The following TBC1D8 variants were observed in gnomAD, a reference collection of about 807,000 sequenced individuals.
TBC1D8 encodes TBC1 domain family member 8.
TBC1D8 carries 65 observed loss-of-function variants against 118.8 expected under a neutral mutation model. The ratio of observed to expected loss-of-function variants is 0.55; its 90% CI spans 0.45 to 0.67. The LOEUF is 0.67. TBC1D8 is among the 30% of genes least tolerant of loss of function. The pLI is 0.00. For missense variants in TBC1D8, 1,376 were observed against 1,471.2 expected (o/e 0.94, Z 1.06); for synonymous variants, 566 against 595.8 (o/e 0.95, Z 0.73).
At chr2:101,029,326 T>C (rs916922810) in intron 12 of TBC1D8, among the ~76,000 whole-genome samples, 165 bp downstream of exon 12, 1 of 151,010 alleles carries the variant, frequency 6.6e-6, no homozygotes, top group East Asian at 1.9e-4. Flanking sequence ...GAGGCGGAGG[T>C]TGTAGTGAGC....
At chr2:101,051,552 G>A (rs1573940568) in intron 4 of TBC1D8, among the ~76,000 whole-genome samples, 1 of 151,948 alleles carries the variant, frequency 6.6e-6, no homozygotes, top group African/African-American at 2.4e-5. Flanking sequence ...TTGCAAACTA[G>A]ATATCTCACA....
At chr2:101,060,673 G>A (rs968100475) in intron 2 of TBC1D8, among the ~76,000 whole-genome samples, 2 of 152,116 alleles carry the variant, frequency 1.3e-5, no homozygotes, top group African/African-American at 4.8e-5. Context: ...CTCATGAAGG[G>A]CCTGGCACAC....
intron 4 of TBC1D8, among the ~76,000 whole-genome samples, chr2:101,051,464 A>C (rs1360588757): frequency 6.6e-6 from 1 of 152,246 alleles, no homozygotes; most frequent in Non-Finnish European, 1.5e-5. Flanking sequence ...ATGGGATCTA[A>C]TTAAGTGAAA....
intron 17 of TBC1D8, among the ~76,000 whole-genome samples, chr2:101,017,501 G>A (rs781561075): frequency 6.6e-6 from 1 of 152,174 alleles, no homozygotes; most frequent in South Asian, 2.1e-4. Flanking sequence ...GAATTTTTCA[G>A]TCTCGCTGTA....
chr2:101,054,266 G>T lies in TBC1D8; in HGVS notation c.473C>A (p.Ala158Asp). 1.3e-6 allele frequency: 2 copies of T among 1,599,116 alleles called. No homozygotes were observed. The highest frequency in any genetic ancestry group is 1.7e-6 in the Non-Finnish European group (2 of 1,172,966). The change falls in exon 4 of 20, where the codon GCC (alanine) becomes GAC (aspartate). Residue 158 changes from alanine (A) to aspartate (D), a missense_variant. By Grantham distance (126) the Ala-to-Asp change is moderately radical. Transcript: ENST00000409318. ...GAACCTGGCCTCGAACTTCACCAGG[G>T]CTTCTCGGAATTTCTCGGGTTCCTC... ...QEEEPEKFRE[A>D]LVKFEARFNF...
At chr2:101,036,486 T>C (rs1206840891) in intron 8 of TBC1D8, among the ~76,000 whole-genome samples, 1 of 129,166 alleles carries the variant, frequency 7.7e-6, no homozygotes, top group Non-Finnish European at 1.6e-5. Context: ...GTAGCCCAAA[T>C]CAGATGGGAG....
At chr2:101,084,637 C>T (rs2105450652) in intron 2 of TBC1D8, among the ~76,000 whole-genome samples, 1 of 152,254 alleles carries the variant, frequency 6.6e-6, no homozygotes, top group East Asian at 1.9e-4. Flanking sequence ...CTCCCTAGCC[C>T]TCTGCCCACC....
chr2:101,021,019 T>C (rs1679998712), intron 17 of TBC1D8, among the ~76,000 whole-genome samples: 1 of 152,084 alleles, frequency 6.6e-6, no homozygotes. Flanking sequence ...GCACTAATAG[T>C]TGTAAAAGCC....
intron 17 of TBC1D8, chr2:101,019,492 A>C (rs553832793): frequency 1.3e-5 from 2 of 153,360 alleles, no homozygotes; most frequent in South Asian, 4.1e-4. Flanking sequence ...GGTTGTCTGC[A>C]CTCTAGCTTT....
intron 17 of TBC1D8, chr2:101,018,013 T>C (rs1679780206): frequency 7.3e-7 from 1 of 1,376,276 alleles, no homozygotes; most frequent in Non-Finnish European, 1.0e-6. Context: ...ACTTCAAGCA[T>C]GTGCTCATTC....
At chr2:101,039,663 T>G (rs1046468934) in intron 6 of TBC1D8, among the ~76,000 whole-genome samples, 2 of 152,084 alleles carry the variant, frequency 1.3e-5, no homozygotes, top group South Asian at 4.1e-4. Flanking sequence ...ATTGCAGAAT[T>G]TTATAGGAAG....
intron 4 of TBC1D8, 27 bp downstream of exon 4, chr2:101,054,081 T>C (rs1234782765): frequency 6.3e-7 from 1 of 1,587,132 alleles, no homozygotes; most frequent in South Asian, 1.1e-5. Context: ...AACTTTATCT[T>C]GGAAGAGCCT....
intron 1 of TBC1D8, among the ~76,000 whole-genome samples, chr2:101,110,846 C>T (rs1677540400): frequency 6.6e-6 from 1 of 152,022 alleles, no homozygotes; most frequent in African/African-American, 2.4e-5. Context: ...GGGTGGCACA[C>T]ACCTGTAATC....
Position 101,007,981 on chromosome 2 carries a change from A to G in TBC1D8, c.3308T>C (p.Ile1103Thr). ...CTGTTCAGTCAGAAGTGAAGCTAAAATATGTTCAAGGGAGACAGTCCAGTC... is the reference window on the plus strand; with the variant it reads ...CTGTTCAGTCAGAAGTGAAGCTAAAGTATGTTCAAGGGAGACAGTCCAGTC... ...ERDWTVSLEH[I>T]LASLLTEQSL... Residue 1103 changes from isoleucine (I) to threonine (T), a missense_variant, in exon 20 of 20, where the codon ATT (isoleucine) becomes ACT (threonine). Coordinates refer to ENST00000409318, the MANE Select transcript of TBC1D8 (RefSeq NM_001330348.2). 6.2e-7 allele frequency: 1 copy of G among 1,614,068 alleles called. No individual in the cohort carries two copies. Among genetic ancestry groups the G allele is most frequent in the Non-Finnish European group, 8.5e-7 (1 of 1,179,896 alleles).
intron 2 of TBC1D8, among the ~76,000 whole-genome samples, chr2:101,064,635 G>A (rs1430951487): frequency 6.6e-6 from 1 of 152,122 alleles, no homozygotes; most frequent in African/African-American, 2.4e-5. Flanking sequence ...ACCCACATAA[G>A]AAGTCAAAAG....
chr2:101,042,481 T>C (rs1021464282), intron 5 of TBC1D8, among the ~76,000 whole-genome samples: 1 of 152,190 alleles, frequency 6.6e-6, no homozygotes, highest in Non-Finnish European at 1.5e-5. Context: ...GTATCTCATT[T>C]TGATTGCTAC....
intron 1 of TBC1D8, among the ~76,000 whole-genome samples, chr2:101,139,069 G>A (rs1678982856): frequency 1.3e-5 from 2 of 152,168 alleles, no homozygotes; most frequent in South Asian, 4.1e-4. Context: ...CAGGTAGTCA[G>A]AGACAGATTC....
chr2:101,148,359 A>C (rs958754590), intron 1 of TBC1D8, among the ~76,000 whole-genome samples: 1 of 152,192 alleles, frequency 6.6e-6, no homozygotes, highest in African/African-American at 2.4e-5. Context: ...TCATCCTACA[A>C]ATGTTTCCTG....
At chr2:101,059,802 G>A (rs1233214286) in intron 2 of TBC1D8, among the ~76,000 whole-genome samples, 1 of 152,182 alleles carries the variant, frequency 6.6e-6, no homozygotes, top group Non-Finnish European at 1.5e-5. Flanking sequence ...AGCCGGGCGT[G>A]GTGGCGGGCA....
Sources: gnomAD v4.1 joint callset for allele counts (sites outside exome capture counted in the v4.1 genomes callset) on GRCh38, gnomAD v4.1.1 for gene constraint, MANE v1.5 for transcripts, NCBI Gene and HGNC (gene_info 2026-07-23, HGNC 2026-07-21) for gene names.